The following CCNB3 variants were observed in gnomAD, a reference collection of about 807,000 sequenced individuals.
CCNB3 encodes G2/mitotic-specific cyclin-B3.
In CCNB3, 12 loss-of-function variants were observed where a neutral mutation model predicts 68.0. The ratio of observed to expected loss-of-function variants is 0.18; its 90% CI spans 0.11 to 0.29. The LOEUF is 0.29. Ranked by LOEUF, CCNB3 falls within the 10% of genes least tolerant of loss-of-function variation. CCNB3 has a pLI of 1.00. For synonymous variants in CCNB3, 354 were observed against 388.9 expected (o/e 0.91, Z 1.06); for missense variants, 904 against 993.1 (o/e 0.91, Z 1.21).
chrX:50,291,711 G>A (rs1936350099), intron 4 of CCNB3, among the ~76,000 whole-genome samples: 1 of 111,609 alleles, frequency 9.0e-6, no homozygotes, highest in Non-Finnish European at 1.9e-5. Flanking sequence ...TGATCTCCAC[G>A]TCTTTCTTGC....
intron 1 of CCNB3, among the ~76,000 whole-genome samples, chrX:50,215,114 C>T (rs896109429): frequency 3.6e-5 from 4 of 110,137 alleles, no homozygotes; most frequent in African/African-American, 1.3e-4. Context: ...CTCAGCCTCC[C>T]GAGTAGCTGG....
At chrX:50,204,279 C>A (rs1935311814), upstream of CCNB3, among the ~76,000 whole-genome samples, 1 of 111,812 alleles carries the variant, frequency 8.9e-6, no homozygotes, top group Non-Finnish European at 1.9e-5. Flanking sequence ...CACACTTTGG[C>A]GTGCATCAGA....
chrX:50,220,194 A>T (rs1323481408), intron 1 of CCNB3, among the ~76,000 whole-genome samples: 1 of 111,628 alleles, frequency 9.0e-6, no homozygotes, highest in African/African-American at 3.3e-5. Flanking sequence ...TTCTAAAGAT[A>T]CAGTCATGTC....
chrX:50,290,880 C>G (rs1048005427), intron 4 of CCNB3, among the ~76,000 whole-genome samples: 2 of 111,794 alleles, frequency 1.8e-5, no homozygotes, highest in African/African-American at 3.2e-5. Context: ...TTGGTGCCTT[C>G]CAGAGACAGT....
chrX:50,215,306 T>A (rs1935555305), intron 1 of CCNB3, among the ~76,000 whole-genome samples: 1 of 111,656 alleles, frequency 9.0e-6, no homozygotes, highest in African/African-American at 3.3e-5. Flanking sequence ...TCTGTTATTC[T>A]TGTCACTGAT....
intron 10 of CCNB3, 149 bp downstream of exon 10, chrX:50,346,956 T>C (rs369710701): frequency 7.3e-5 from 43 of 585,383 alleles, no homozygotes; most frequent in East Asian, 6.8e-4. Flanking sequence ...AGGTTAAAGC[T>C]TGGCAATCTT....
rs1471000068 is a variant in CCNB3, at chrX:50,228,590, T to C, written c.-113+23640T>C. On this transcript the variant is annotated intron_variant, in intron 1 of 12. Coordinates refer to ENST00000376042, the MANE Select transcript of CCNB3 (RefSeq NM_033031.3). ...GATAATATATAGAATATATATAGAA[T>C]ATAGATAATATATATAGAATATATA... Among the ~76,000 whole-genome samples, 5 of 84,687 alleles carry C rather than the reference T, an allele frequency of 5.9e-5. No individual in the cohort carries two copies. The Admixed American group carries it at 8.2e-4, about 14-fold the overall frequency. 73.5% of individuals were successfully genotyped at this position (84,687 alleles called of 115,157 possible). A position where few individuals can be genotyped will look rare whatever the true frequency, so the allele number is the denominator to read the frequency against.
At chrX:50,343,178 G>C (rs1557219858) in intron 9 of CCNB3, among the ~76,000 whole-genome samples, 1 of 111,477 alleles carries the variant, frequency 9.0e-6, no homozygotes, top group Non-Finnish European at 1.9e-5. Flanking sequence ...GGAGGTGGAA[G>C]ACAGTGATAT....
At chrX:50,344,586 T>G (rs1335185639) in intron 9 of CCNB3, among the ~76,000 whole-genome samples, 3 of 111,526 alleles carry the variant, frequency 2.7e-5, no homozygotes, top group Non-Finnish European at 5.6e-5. Context: ...ACAGCTTCCT[T>G]CTGCTCCATG....
intron 5 of CCNB3, among the ~76,000 whole-genome samples, chrX:50,305,776 C>CT (rs146498028): frequency 0.011 from 424 of 37,140 alleles, 8 homozygotes; most frequent in East Asian, 0.032. Context: ...TTCTTTCTTT[C>CT]TTTTTTTTTT....
intron 8 of CCNB3, among the ~76,000 whole-genome samples, chrX:50,338,782 A>G (rs1202707876): frequency 5.3e-5 from 6 of 112,468 alleles, no homozygotes; most frequent in African/African-American, 1.9e-4. Context: ...GTAGTTTCTA[A>G]TAAATTTTTC....
intron 1 of CCNB3, among the ~76,000 whole-genome samples, chrX:50,226,078 A>G (rs1227523765): frequency 7.1e-3 from 620 of 87,194 alleles, no homozygotes; most frequent in Non-Finnish European, 0.011. Context: ...GAATATATAT[A>G]GAATATATAT....
chrX:50,280,671 A>G (rs1325732716), intron 1 of CCNB3, among the ~76,000 whole-genome samples: 4 of 110,563 alleles, frequency 3.6e-5, no homozygotes, highest in African/African-American at 9.9e-5. Flanking sequence ...GTGGTTATTA[A>G]TATTAATGTT....
chrX:50,226,377 A>AAT (rs1162355321), intron 1 of CCNB3, among the ~76,000 whole-genome samples: 3 of 47,694 alleles, frequency 6.3e-5, no homozygotes, highest in Admixed American at 6.9e-4. Context: ...TATATATAAA[A>AAT]ATATATATAT....
At chrX:50,228,529 A>C (rs1935971672) in intron 1 of CCNB3, among the ~76,000 whole-genome samples, 1 of 89,860 alleles carries the variant, frequency 1.1e-5, no homozygotes, top group South Asian at 5.0e-4. Flanking sequence ...GGTTATATCT[A>C]TATAGAATAT....
At chrX:50,336,496 T>A (rs1330853913) in intron 8 of CCNB3, among the ~76,000 whole-genome samples, 1 of 112,022 alleles carries the variant, frequency 8.9e-6, no homozygotes, top group African/African-American at 3.2e-5. Context: ...CCAGCCTGTT[T>A]CTGCAATTTT....
At chrX:50,280,233 G>GTATAGAATATAGATATAAATATCTA (rs1370728770) in intron 1 of CCNB3, among the ~76,000 whole-genome samples, 760 of 33,497 alleles carry the variant, frequency 0.023, 7 homozygotes, top group African/African-American at 0.032. Context: ...ATAAATATAT[G>GTATAGAATATAGATATAAATATCTA]TATAGAATAT....
chrX:50,280,138 A>AAAATATATATAGAATATATAT (rs1273201506), intron 1 of CCNB3, among the ~76,000 whole-genome samples: 29 of 19,487 alleles, frequency 1.5e-3, no homozygotes, highest in Non-Finnish European at 2.8e-4. Flanking sequence ...AATATATGTA[A>AAAATATATATAGAATATATAT]AAATATATAT....
intron 8 of CCNB3, among the ~76,000 whole-genome samples, chrX:50,325,421 C>T (rs782818406): frequency 2.6e-4 from 29 of 112,134 alleles, no homozygotes; most frequent in African/African-American, 8.4e-4. Flanking sequence ...CAAAGGTTCA[C>T]ACCAAGGTTG....
Sources: gnomAD v4.1 joint callset for allele counts (sites outside exome capture counted in the v4.1 genomes callset) on GRCh38, gnomAD v4.1.1 for gene constraint, MANE v1.5 for transcripts, NCBI Gene and HGNC (gene_info 2026-07-23, HGNC 2026-07-21) for gene names.